MINDY3: variants seen among roughly 807,000 people sequenced by gnomAD.
MINDY3 encodes the protein ubiquitin carboxyl-terminal hydrolase MINDY-3.
A neutral mutation model predicts 69.2 loss-of-function variants in MINDY3; 38 were observed. The ratio of observed to expected loss-of-function variants is 0.55; its 90% confidence interval spans 0.42 to 0.72. The LOEUF (loss-of-function observed/expected upper bound fraction) is 0.72, where lower values mean the gene tolerates loss of function less well. Among genes scored for constraint, MINDY3 ranks in the 30% least tolerant of loss-of-function variants. The pLI is 0.00. For synonymous variants in MINDY3, 192 were observed against 180.1 expected, an observed-to-expected ratio of 1.07 and a Z score of -0.53; for missense variants, 522 against 519.0, an observed-to-expected ratio of 1.01 and a Z score of -0.06.
chr10:15,853,538 T>C (rs1407327814), intron 1 of MINDY3, among the ~76,000 whole-genome samples: 1 of 152,028 alleles, frequency 6.6e-6, no homozygotes, highest in Non-Finnish European at 1.5e-5. Context: ...TTTAAGAACA[T>C]ACTTACTGCT....
chr10:15,847,175 C>T (rs548501802), intron 2 of MINDY3, among the ~76,000 whole-genome samples: 14 of 152,268 alleles, frequency 9.2e-5, no homozygotes, highest in Non-Finnish European at 1.9e-4. Context: ...CATTCACAGA[C>T]ATCATCAGTA....
intron 2 of MINDY3, among the ~76,000 whole-genome samples, chr10:15,845,813 ATTTTTTTTTTTTTTTT>A: frequency 2.0e-5 from 1 of 49,334 alleles, no homozygotes; most frequent in African/African-American, 8.6e-5. Context: ...GGCCTATGTG[ATTTTTTTTTTTTTTTT>A]TTTTTTTTTT....
intron 10 of MINDY3, among the ~76,000 whole-genome samples, chr10:15,808,501 A>G (rs970364359): frequency 6.6e-6 from 1 of 152,144 alleles, no homozygotes; most frequent in East Asian, 1.9e-4. Flanking sequence ...AGTTCACCGC[A>G]GTGTTTTTCC....
intron 10 of MINDY3, among the ~76,000 whole-genome samples, chr10:15,803,016 C>T (rs1350246673): frequency 6.6e-6 from 1 of 152,074 alleles, no homozygotes; most frequent in African/African-American, 2.4e-5. Flanking sequence ...AGTTTTCTTC[C>T]ACAAATCAAA....
At position 15,834,538 on chromosome 10, in the gene MINDY3, A is replaced by C; in HGVS notation, c.650+5T>G. The C allele has an allele frequency of 1.9e-6, 3 of 1,603,068 alleles. No homozygotes were observed. Among genetic ancestry groups the C allele is most frequent in the Non-Finnish European group, 2.6e-6 (3 of 1,173,806 alleles). ...ATGAGGAGACAAGAGATTTTAGTTA[A>C]TTACCTGCCATGTCCATATACAGGA... On this transcript the variant is annotated splice_donor_5th_base_variant and intron_variant, in intron 7 of 14. Coordinates refer to ENST00000277632, the MANE Select transcript of MINDY3 (RefSeq NM_024948.4).
At chr10:15,828,189 T>G (rs1374990448) in intron 8 of MINDY3, among the ~76,000 whole-genome samples, 2 of 152,232 alleles carry the variant, frequency 1.3e-5, no homozygotes, top group Non-Finnish European at 2.9e-5. Flanking sequence ...ACTCCACATG[T>G]TGGCGAACAA....
intron 8 of MINDY3, among the ~76,000 whole-genome samples, chr10:15,827,523 A>G (rs1183213836): frequency 2.0e-5 from 3 of 151,022 alleles, no homozygotes; most frequent in African/African-American, 7.4e-5. Context: ...AGCCTGGGTG[A>G]CAGAGTGAGA....
Position 15,858,998 on chromosome 10 carries a change from G to A in MINDY3, c.94+1208C>T, listed in dbSNP as rs900767815. On this transcript the variant is annotated intron_variant, in intron 1 of 14. Coordinates refer to ENST00000277632, the MANE Select transcript of MINDY3 (RefSeq NM_024948.4). ...AACTCAAAGGAAGATAATGAAAACA[G>A]AGGTATATTAGGAATCGAGAGACCT... is the stretch of plus-strand genomic sequence containing the variant. 3.9e-5 allele frequency among the ~76,000 whole-genome samples: 6 copies of A among 152,156 alleles called. No homozygotes were observed. The East Asian group carries it at 7.7e-4, about 20-fold the overall frequency.
intron 8 of MINDY3, among the ~76,000 whole-genome samples, chr10:15,830,940 C>A (rs1286819054): frequency 1.3e-5 from 2 of 151,826 alleles, no homozygotes; most frequent in Non-Finnish European, 2.9e-5. Context: ...TTTGTGTAGA[C>A]CAGGGAAGAG....
At chr10:15,839,562 A>G (rs1030220164) in intron 4 of MINDY3, among the ~76,000 whole-genome samples, 2 of 151,728 alleles carry the variant, frequency 1.3e-5, no homozygotes, top group African/African-American at 2.4e-5. Context: ...ATACTACAAG[A>G]GTAGACATAA....
intron 1 of MINDY3, 67 bp from the exon 2 acceptor site, chr10:15,848,010 T>G (rs922961305): frequency 3.8e-6 from 5 of 1,301,962 alleles, no homozygotes; most frequent in Non-Finnish European, 5.6e-6. Context: ...GAATCTTTCA[T>G]GTACTTTGCT....
intron 5 of MINDY3, 124 bp from the exon 6 acceptor site, chr10:15,837,442 G>A (rs7903095): frequency 0.052 from 66,354 of 1,266,414 alleles, 5,707 homozygotes; most frequent in African/African-American, 0.38. Flanking sequence ...GTTTTGGGAC[G>A]TTTCTAAATT....
At chr10:15,808,849 G>A (rs189439005) in intron 10 of MINDY3, among the ~76,000 whole-genome samples, 1 of 152,196 alleles carries the variant, frequency 6.6e-6, no homozygotes, top group Admixed American at 6.5e-5. Flanking sequence ...GGAGTACCAA[G>A]CAAATTAGCC....
At chr10:15,783,088 G>T (rs767605752) in intron 13 of MINDY3, among the ~76,000 whole-genome samples, 5 of 152,142 alleles carry the variant, frequency 3.3e-5, no homozygotes, top group Admixed American at 1.3e-4. Flanking sequence ...ATTAAGGGAA[G>T]ACAGCTGCTG....
intron 4 of MINDY3, among the ~76,000 whole-genome samples, chr10:15,840,045 G>A (rs1833354765): frequency 6.6e-6 from 1 of 151,558 alleles, no homozygotes; most frequent in South Asian, 2.1e-4. Context: ...GATACTAATG[G>A]AAAATGTTAT....
intron 2 of MINDY3, 73 bp downstream of exon 2, chr10:15,847,791 G>C (rs1833956743): frequency 9.7e-7 from 1 of 1,032,078 alleles, no homozygotes; most frequent in Non-Finnish European, 1.5e-6. Flanking sequence ...ATGGAGTACA[G>C]ACATTAGAAA....
At chr10:15,797,505 C>G (rs2131888453) in intron 10 of MINDY3, among the ~76,000 whole-genome samples, 1 of 152,156 alleles carries the variant, frequency 6.6e-6, no homozygotes, top group South Asian at 2.1e-4. Context: ...ATTTTATGAT[C>G]TAGTCCTTTA....
At chr10:15,833,753 C>T in intron 7 of MINDY3, 44 bp from the exon 8 acceptor site, 2 of 1,230,018 alleles carry the variant, frequency 1.6e-6, no homozygotes, top group Non-Finnish European at 2.4e-6. Flanking sequence ...AATATAGTTG[C>T]CAAATCAAAT....
At chr10:15,842,515 T>A (rs117462331) in intron 3 of MINDY3, among the ~76,000 whole-genome samples, 4,694 of 151,994 alleles carry the variant, frequency 0.031, 118 homozygotes, top group Middle Eastern at 0.082. Context: ...TTAAAACTTA[T>A]GGAAGTGATC....
Sources: allele counts gnomAD v4.1 joint callset (sites outside exome capture counted in the v4.1 genomes callset), GRCh38; gene constraint gnomAD v4.1.1; transcripts MANE v1.5; gene names NCBI Gene and HGNC (gene_info 2026-07-23, HGNC 2026-07-21).